The following CFAP20DC variants were observed in gnomAD, a reference collection of about 807,000 sequenced individuals.
CFAP20DC encodes the protein CFAP20 domain containing.
In CFAP20DC, 84 loss-of-function variants were observed where a neutral mutation model predicts 101.7. That is an observed-to-expected ratio of 0.83 (90% CI 0.69 to 0.99). The LOEUF (loss-of-function observed/expected upper bound fraction) is 0.99. CFAP20DC is among the 50% of genes least tolerant of loss of function. The probability of loss-of-function intolerance (pLI) is 0.00; values close to 1 mark genes in which losing one functional copy is unlikely to be tolerated. For missense variants in CFAP20DC, 1,007 were observed against 970.3 expected (o/e 1.04, Z -0.50); for synonymous variants, 359 against 351.2 (o/e 1.02, Z -0.25).
intron 4 of CFAP20DC, among the ~76,000 whole-genome samples, chr3:59,027,784 C>T (rs967307724): frequency 6.6e-6 from 1 of 152,100 alleles, no homozygotes; most frequent in Non-Finnish European, 1.5e-5. Context: ...GATGTCTGCC[C>T]CCAGGCTCTG....
intron 15 of CFAP20DC, among the ~76,000 whole-genome samples, chr3:58,768,620 CA>C (rs1401629853): frequency 3.3e-5 from 5 of 152,188 alleles, no homozygotes; most frequent in Admixed American, 6.5e-5. Flanking sequence ...CTATATAATC[CA>C]AACCAGAGTA....
intron 16 of CFAP20DC, among the ~76,000 whole-genome samples, chr3:58,753,333 G>C (rs1448587628): frequency 6.6e-6 from 1 of 152,160 alleles, no homozygotes; most frequent in East Asian, 1.9e-4. Context: ...CTGGTATTTG[G>C]TAGGCACTAT....
rs2082967148 is a variant in CFAP20DC at position 58,899,581 on chromosome 3, GCT to G, written c.550+14125_550+14126del. Among the ~76,000 whole-genome samples, 1 of 152,140 alleles carries G rather than the reference GCT, an allele frequency of 6.6e-6. No homozygotes were observed. The highest frequency in any genetic ancestry group is 1.5e-5 in the Non-Finnish European group (1 of 68,026). On this transcript the variant is annotated intron_variant, in intron 6 of 16. Transcript: ENST00000482387. This position sits in a 1 kb window ranked among gnomAD's most constrained non-coding sequence, Gnocchi z 5.0. ...GGCTGCTCTGCTGGGACTCCACACA[GCT>G]CTGTTTATTGGACCCAGTACCCTGG... is the stretch of plus-strand genomic sequence containing the variant.
chr3:58,928,275 T>C (rs569195541), intron 5 of CFAP20DC, among the ~76,000 whole-genome samples: 2 of 152,218 alleles, frequency 1.3e-5, no homozygotes, highest in African/African-American at 2.4e-5. Flanking sequence ...GGTTATGAAA[T>C]TGTGAATGGC....
At chr3:58,951,367 G>C (rs923454338) in intron 4 of CFAP20DC, among the ~76,000 whole-genome samples, 8 of 152,164 alleles carry the variant, frequency 5.3e-5, no homozygotes, top group African/African-American at 1.7e-4. Flanking sequence ...CAGGGATCTA[G>C]GACTAGAAAT....
chr3:58,838,756 T>C (rs746847021), intron 13 of CFAP20DC, among the ~76,000 whole-genome samples: 3 of 152,150 alleles, frequency 2.0e-5, no homozygotes, highest in Non-Finnish European at 4.4e-5. Context: ...AACCTTAAAG[T>C]GAATTGAAAA....
chr3:58,948,004 C>A (rs2089582401), intron 4 of CFAP20DC, among the ~76,000 whole-genome samples: 1 of 152,098 alleles, frequency 6.6e-6, no homozygotes, highest in Admixed American at 6.5e-5. Context: ...GCCTTAACTC[C>A]CCAGTATTTC....
chr3:58,895,906 C>T (rs2082631658), intron 6 of CFAP20DC, among the ~76,000 whole-genome samples: 1 of 152,190 alleles, frequency 6.6e-6, no homozygotes, highest in Non-Finnish European at 1.5e-5. Context: ...CTTTTTAAAA[C>T]CATCAGATCT....
At chr3:58,890,298 C>CA (rs2082063117) in intron 6 of CFAP20DC, among the ~76,000 whole-genome samples, 1 of 142,056 alleles carries the variant, frequency 7.0e-6, no homozygotes, top group Admixed American at 7.0e-5. Flanking sequence ...GGCGGCTGTC[C>CA]GGGCGGGGGG....
At chr3:58,756,880 T>C (rs2068997522) in intron 15 of CFAP20DC, among the ~76,000 whole-genome samples, 1 of 152,126 alleles carries the variant, frequency 6.6e-6, no homozygotes, top group South Asian at 2.1e-4. Context: ...CCATACCAGT[T>C]CATGGAGAGC....
Position 58,827,183 on chromosome 3 carries a change from C to T in CFAP20DC, c.2175+4503G>A, listed in dbSNP as rs183860051. The stretch of plus-strand genomic sequence containing the variant: ...GGTGGGGGACACTGATAATAGGGTT[C>T]GTCTCAATTTTGCTGTGAACCCAAA... On this transcript the variant is annotated intron_variant, in intron 14 of 16. Transcript: ENST00000482387. 5.3e-5 allele frequency among the ~76,000 whole-genome samples: 8 copies of T among 152,094 alleles called. No individual in the cohort carries two copies. The East Asian group carries it at 5.8e-4, about 11-fold the overall frequency.
intron 4 of CFAP20DC, among the ~76,000 whole-genome samples, chr3:58,965,166 A>G (rs925731436): frequency 1.3e-5 from 2 of 152,146 alleles, no homozygotes; most frequent in African/African-American, 2.4e-5. Context: ...CTGAGCTGCT[A>G]TTTTACAAAT....
At chr3:59,034,461 A>T (rs1162962630) in intron 4 of CFAP20DC, among the ~76,000 whole-genome samples, 1 of 152,248 alleles carries the variant, frequency 6.6e-6, no homozygotes, top group Non-Finnish European at 1.5e-5. Context: ...TCTTCCATGC[A>T]AAGACACACA....
intron 4 of CFAP20DC, among the ~76,000 whole-genome samples, chr3:58,984,912 T>C (rs888108945): frequency 6.6e-6 from 1 of 152,048 alleles, no homozygotes; most frequent in Non-Finnish European, 1.5e-5. Context: ...TTACTTTTTT[T>C]GGGGGGCTGA....
At chr3:59,049,512 T>C in intron 1 of CFAP20DC, 99 bp downstream of exon 1, 1 of 1,126,422 alleles carries the variant, frequency 8.9e-7, no homozygotes, top group Non-Finnish European at 1.3e-6. Flanking sequence ...AAGACCTTAT[T>C]ATGGGGATAG....
At chr3:58,720,021 C>A (rs2067449245) in intron 3 of CFAP20DC, among the ~76,000 whole-genome samples, 1 of 152,218 alleles carries the variant, frequency 6.6e-6, no homozygotes, top group South Asian at 2.1e-4. Flanking sequence ...TTTTTCTGAC[C>A]ATGCCATCTC....
intron 4 of CFAP20DC, among the ~76,000 whole-genome samples, chr3:59,024,357 T>C: frequency 6.6e-6 from 1 of 152,150 alleles, no homozygotes; most frequent in Non-Finnish European, 1.5e-5. Context: ...AAATGGGGCT[T>C]AGAAATGGAA....
chr3:59,040,679 A>G (rs921962877), intron 3 of CFAP20DC, among the ~76,000 whole-genome samples: 6 of 152,116 alleles, frequency 3.9e-5, no homozygotes, highest in Admixed American at 1.3e-4. Context: ...ATTTTAAAGT[A>G]ACAACACGTT....
intron 15 of CFAP20DC, among the ~76,000 whole-genome samples, chr3:58,757,489 A>T (rs58434585): frequency 0.023 from 3,491 of 151,334 alleles, 127 homozygotes; most frequent in African/African-American, 0.08. Context: ...GTCTTTGTTT[A>T]TGGTGGTTTT....
Sources: allele counts gnomAD v4.1 joint callset (sites outside exome capture counted in the v4.1 genomes callset), GRCh38; gene constraint gnomAD v4.1.1; non-coding constraint Gnocchi (gnomAD v3.1); transcripts MANE v1.5; gene names NCBI Gene and HGNC (gene_info 2026-07-23, HGNC 2026-07-21).